Variants in ATP11C observed in about 807,000 individuals in gnomAD.
The protein encoded by ATP11C is phospholipid-transporting ATPase IG.
Under a neutral mutation model 97.4 loss-of-function variants are expected in ATP11C, and 36 were observed. The ratio of observed to expected loss-of-function variants is 0.37; its 90% CI spans 0.28 to 0.49. ATP11C has a LOEUF of 0.49. Among genes scored for constraint, ATP11C ranks in the 20% least tolerant of loss-of-function variants. The pLI is 0.98. For missense variants in ATP11C, 730 were observed against 824.6 expected, an observed-to-expected ratio of 0.89 and a Z score of 1.40; for synonymous variants, 275 against 290.9, an observed-to-expected ratio of 0.95 and a Z score of 0.56.
At chrX:139,791,607 A>T (rs1331551113) in intron 12 of ATP11C, among the ~76,000 whole-genome samples, 5 of 111,860 alleles carry the variant, frequency 4.5e-5, no homozygotes, top group Admixed American at 3.8e-4. Flanking sequence ...AGGTAGGACC[A>T]AATAATTTAC....
chrX:139,840,993 T>G (rs1208738514), intron 1 of ATP11C, among the ~76,000 whole-genome samples: 3 of 111,820 alleles, frequency 2.7e-5, no homozygotes, highest in Non-Finnish European at 3.8e-5. Context: ...ATACCACTTG[T>G]TCCCCAAAAA....
chrX:139,931,988 C>A, intron 1 of ATP11C, 28 bp downstream of exon 1: 1 of 1,153,519 alleles, frequency 8.7e-7, no homozygotes, highest in East Asian at 3.3e-5. Flanking sequence ...CAAACCGGCA[C>A]GCGCGGAGCC....
Position 139,868,199 on chromosome X carries a change from TAAG to T in ATP11C, c.28-41379_28-41377del, listed in dbSNP as rs1279187403. 8.1e-5 allele frequency among the ~76,000 whole-genome samples: 9 copies of T among 111,405 alleles called. 1 individual carries two copies. Among genetic ancestry groups the T allele is most frequent in the Non-Finnish European group, 1.3e-4 (7 of 53,167 alleles). On this transcript the variant is annotated intron_variant, in intron 1 of 29. Transcript: ENST00000682941. ...GTAACACCTGAAACTGAAACTCCTA[TAAG>T]AAAACATAAAAATAAATCACTGGTT...
chrX:139,730,826 G>A (rs1324108943), intron 29 of ATP11C, among the ~76,000 whole-genome samples: 3 of 110,712 alleles, frequency 2.7e-5, no homozygotes, highest in Non-Finnish European at 5.7e-5. Context: ...GGTCTGAGTT[G>A]TTAAAGGCCC....
chrX:139,731,634 T>C lies in ATP11C; in HGVS notation c.*3+17A>G. The C allele has an allele frequency of 9.4e-7, 1 of 1,060,688 alleles. No individual in the cohort carries two copies. Among genetic ancestry groups the C allele is most frequent in the Non-Finnish European group, 1.3e-6 (1 of 783,663 alleles). 87.4% of individuals were successfully genotyped at this position (1,060,688 alleles called of 1,213,427 possible). ...TCCGATTTTTTAAAGCCAGCCCATTTGTTTAACACTAGGTACCTGTTACAA... is the reference window on the plus strand; with the variant it reads ...TCCGATTTTTTAAAGCCAGCCCATTCGTTTAACACTAGGTACCTGTTACAA... On this transcript the variant is annotated intron_variant, in intron 29 of 29. Coordinates refer to ENST00000682941, the MANE Select transcript of ATP11C (RefSeq NM_001353812.2).
rs763334672 is a variant in ATP11C at position 139,921,295 on chromosome X, A to G, written c.27+10721T>C. Among the ~76,000 whole-genome samples the G allele has an allele frequency of 1.1e-4, 12 of 111,433 alleles. No individual in the cohort carries two copies. The East Asian group carries it at 2.0e-3, about 18-fold the overall frequency. ...GAGACCAGGTGGAGGCAACTGAATC[A>G]TGGGGGTGGTTTTCCCCATGTTCTC... On this transcript the variant is annotated intron_variant, in intron 1 of 29. Transcript: ENST00000682941.
chrX:139,816,695 A>G (rs1224869009), intron 4 of ATP11C, among the ~76,000 whole-genome samples, 168 bp downstream of exon 4: 4 of 112,428 alleles, frequency 3.6e-5, no homozygotes, highest in African/African-American at 9.7e-5. Context: ...AAGGAAATAC[A>G]TTAAGGATGT....
chrX:139,864,624 C>A (rs1021827658), intron 1 of ATP11C, among the ~76,000 whole-genome samples: 1 of 111,996 alleles, frequency 8.9e-6, no homozygotes, highest in African/African-American at 3.2e-5. Context: ...CATATAGTGT[C>A]TGGCCCATAG....
chrX:139,732,918 T>C lies in ATP11C; in HGVS notation c.3289-1163A>G, dbSNP rs758185436. Among the ~76,000 whole-genome samples the C allele has an allele frequency of 8.1e-5, 9 of 111,783 alleles. No homozygotes were observed. The South Asian group carries it at 1.5e-3, about 19-fold the overall frequency. On this transcript the variant is annotated intron_variant, in intron 28 of 29. Transcript: ENST00000682941. ...GTCAAAGAGTTATGTCCAGGGTCCATTGCCAATCACCAATCTATCTTGAAG... is the reference window on the plus strand; with the variant it reads ...GTCAAAGAGTTATGTCCAGGGTCCACTGCCAATCACCAATCTATCTTGAAG...
intron 1 of ATP11C, among the ~76,000 whole-genome samples, chrX:139,854,797 TA>T (rs1292385469): frequency 8.9e-6 from 1 of 112,101 alleles, no homozygotes; most frequent in Non-Finnish European, 1.9e-5. Context: ...ATTAAAAGGT[TA>T]AAAAAATTTG....
At chrX:139,864,868 A>G (rs991849051) in intron 1 of ATP11C, among the ~76,000 whole-genome samples, 4 of 112,129 alleles carry the variant, frequency 3.6e-5, no homozygotes, top group Non-Finnish European at 7.5e-5. Flanking sequence ...GCCTAGACTA[A>G]TTTCTTTCTT....
intron 1 of ATP11C, among the ~76,000 whole-genome samples, chrX:139,922,797 TG>T (rs1249030316): frequency 9.0e-6 from 1 of 111,599 alleles, no homozygotes; most frequent in Non-Finnish European, 1.9e-5. Context: ...TGTTTTGTTT[TG>T]TTTTTTTGAG....
chrX:139,805,280 G>T (rs2083016953), intron 5 of ATP11C, among the ~76,000 whole-genome samples: 1 of 111,617 alleles, frequency 9.0e-6, no homozygotes, highest in Admixed American at 9.5e-5. Flanking sequence ...ATAATGTAGG[G>T]TTAAGTAAAT....
intron 2 of ATP11C, among the ~76,000 whole-genome samples, chrX:139,821,799 C>A (rs781112396): frequency 8.9e-6 from 1 of 112,243 alleles, no homozygotes; most frequent in South Asian, 3.7e-4. Flanking sequence ...AGAAGATATA[C>A]AAGAAATCTT....
At chrX:139,911,416 C>T (rs763324062) in intron 1 of ATP11C, among the ~76,000 whole-genome samples, 8 of 111,635 alleles carry the variant, frequency 7.2e-5, no homozygotes, top group South Asian at 7.5e-4. Flanking sequence ...TTAATATCAT[C>T]GTGAAATAAA....
intron 5 of ATP11C, among the ~76,000 whole-genome samples, chrX:139,810,285 A>G (rs1015324183): frequency 9.1e-6 from 1 of 110,490 alleles, no homozygotes; most frequent in Non-Finnish European, 1.9e-5. Context: ...GTAAAACCTC[A>G]TCCCTACTAA....
At chrX:139,747,204 C>T (rs2081707312) in intron 24 of ATP11C, among the ~76,000 whole-genome samples, 1 of 111,709 alleles carries the variant, frequency 9.0e-6, no homozygotes, top group African/African-American at 3.3e-5. Context: ...AGGCAGTGCC[C>T]AACAACTGCC....
At chrX:139,840,821 A>G (rs2083817758) in intron 1 of ATP11C, among the ~76,000 whole-genome samples, 1 of 110,479 alleles carries the variant, frequency 9.1e-6, no homozygotes, top group Admixed American at 9.7e-5. Context: ...GCAGGGAGAA[A>G]TATCACTAAC....
intron 1 of ATP11C, among the ~76,000 whole-genome samples, chrX:139,880,931 G>A (rs1219856259): frequency 1.8e-5 from 2 of 111,876 alleles, no homozygotes; most frequent in Non-Finnish European, 3.8e-5. Context: ...ACAGATATAA[G>A]CAACTGTGTG....
Sources: gnomAD v4.1 joint callset for allele counts (sites outside exome capture counted in the v4.1 genomes callset) on GRCh38, gnomAD v4.1.1 for gene constraint, MANE v1.5 for transcripts, NCBI Gene and HGNC (gene_info 2026-07-23, HGNC 2026-07-21) for gene names.